The following KLHL8 variants were observed in gnomAD, a reference collection of about 807,000 sequenced individuals.
KLHL8 encodes the protein kelch like family member 8, also known as kelch-like protein 8.
KLHL8 carries 38 observed loss-of-function variants against 63.5 expected under a neutral mutation model. The observed-to-expected ratio is 0.60, with a 90% CI of 0.46 to 0.78. The LOEUF is 0.78. KLHL8 is among the 30% of genes least tolerant of loss of function. The pLI is 0.00. For missense variants in KLHL8, 566 were observed against 752.4 expected, an observed-to-expected ratio of 0.75 and a Z score of 2.90; for synonymous variants, 224 against 254.3, an observed-to-expected ratio of 0.88 and a Z score of 1.13.
chr4:87,184,664 C>T (rs1044280059), intron 3 of KLHL8, among the ~76,000 whole-genome samples: 6 of 151,232 alleles, frequency 4.0e-5, no homozygotes, highest in African/African-American at 1.5e-4. Context: ...GAGAGGAAGA[C>T]GACAAAAGAA....
rs1264215559 is a variant in KLHL8, at chr4:87,162,701, G to A, written c.*818C>T. 3.3e-5 allele frequency: 5 copies of A among 152,180 alleles called. No individual in the cohort carries two copies. The highest frequency in any genetic ancestry group is 3.3e-4 in the Admixed American group (5 of 15,286). 9.4% of individuals were successfully genotyped at this position (152,180 alleles called of 1,614,324 possible). On this transcript the variant is annotated 3_prime_UTR_variant, in exon 10 of 10. Coordinates refer to ENST00000273963, the MANE Select transcript of KLHL8 (RefSeq NM_020803.5). ...TGCCCACATTAGAGTCATGTAATCTGCATCATTCTTTCTCAAGGTCTCTCA... is the reference window on the plus strand; with the variant it reads ...TGCCCACATTAGAGTCATGTAATCTACATCATTCTTTCTCAAGGTCTCTCA...
chr4:87,210,923 T>C (rs1302988115), intron 1 of KLHL8, among the ~76,000 whole-genome samples: 1 of 152,218 alleles, frequency 6.6e-6, no homozygotes, highest in Non-Finnish European at 1.5e-5. Context: ...TGATATTTTT[T>C]TCATTATACT....
chr4:87,223,634 G>A (rs774687212), upstream of KLHL8, among the ~76,000 whole-genome samples: 2 of 152,032 alleles, frequency 1.3e-5, no homozygotes, highest in East Asian at 1.9e-4. Context: ...CTAATCTAGA[G>A]CCTTTTATTG....
intron 1 of KLHL8, among the ~76,000 whole-genome samples, chr4:87,225,974 G>C (rs576665861): frequency 6.6e-6 from 1 of 152,196 alleles, no homozygotes; most frequent in Admixed American, 6.5e-5. Context: ...TGAATATGTG[G>C]GGGAACTGTG....
intron 1 of KLHL8, among the ~76,000 whole-genome samples, chr4:87,209,703 G>A (rs184773345): frequency 1.3e-5 from 2 of 152,154 alleles, no homozygotes; most frequent in African/African-American, 2.4e-5. Context: ...ATACCATTAC[G>A]CTGAATACTG....
At position 87,186,976 on chromosome 4, in the gene KLHL8, TA is replaced by T. The variant is rs144905015; in HGVS notation, c.217-1178del. Among the ~76,000 whole-genome samples, 19 of 148,336 alleles carry T rather than the reference TA, an allele frequency of 1.3e-4. 1 individual carries two copies. The highest frequency in any genetic ancestry group is 6.0e-4 in the Admixed American group (9 of 14,886). ...AATGATATAGCTCACATAAAAGCAGTAAAAAAAAAACACTGCAATCTCATCA... is the reference window on the plus strand; with the variant it reads ...AATGATATAGCTCACATAAAAGCAGTAAAAAAAAACACTGCAATCTCATCA... On this transcript the variant is annotated intron_variant, in intron 2 of 9. Transcript: ENST00000273963.
chr4:87,224,854 C>A (rs1260740942), upstream of KLHL8, among the ~76,000 whole-genome samples: 1 of 152,100 alleles, frequency 6.6e-6, no homozygotes, highest in Non-Finnish European at 1.5e-5. Flanking sequence ...TATCTCTAAA[C>A]CTTTGCTGAC....
intron 2 of KLHL8, among the ~76,000 whole-genome samples, chr4:87,192,894 C>A: frequency 6.6e-6 from 1 of 151,964 alleles, no homozygotes; most frequent in Non-Finnish European, 1.5e-5. Flanking sequence ...AGTAAAAATA[C>A]AGTATAAGGT....
intron 2 of KLHL8, among the ~76,000 whole-genome samples, chr4:87,187,573 T>C (rs1198767499): frequency 6.6e-6 from 1 of 152,048 alleles, no homozygotes; most frequent in Non-Finnish European, 1.5e-5. Context: ...TTTATTCTCT[T>C]ATATAAAAAC....
chr4:87,168,170 G>GT (rs1730478496), intron 8 of KLHL8, among the ~76,000 whole-genome samples: 1 of 152,302 alleles, frequency 6.6e-6, no homozygotes, highest in Middle Eastern at 3.4e-3. Context: ...TTTAGGGGGT[G>GT]TTTTTGTGTA....
At chr4:87,181,931 A>C (rs563207764) in intron 4 of KLHL8, among the ~76,000 whole-genome samples, 1 of 152,274 alleles carries the variant, frequency 6.6e-6, no homozygotes, top group Non-Finnish European at 1.5e-5. Flanking sequence ...ATACAACTAA[A>C]AAAAATCAAT....
At chr4:87,239,944 T>C (rs2110076058) in intron 1 of KLHL8, among the ~76,000 whole-genome samples, 1 of 152,228 alleles carries the variant, frequency 6.6e-6, no homozygotes, top group South Asian at 2.1e-4. Context: ...AACCTTTGAG[T>C]TTCTATGATC....
chr4:87,174,354 C>G (rs1730739801), intron 6 of KLHL8, among the ~76,000 whole-genome samples: 1 of 151,886 alleles, frequency 6.6e-6, no homozygotes, highest in Non-Finnish European at 1.5e-5. Flanking sequence ...TCTCGGCTCA[C>G]TGCAACCTCC....
chr4:87,193,960 C>T (rs1220044407), intron 2 of KLHL8, among the ~76,000 whole-genome samples: 1 of 152,220 alleles, frequency 6.6e-6, no homozygotes, highest in East Asian at 1.9e-4. Flanking sequence ...CTTCCTTAAA[C>T]ACAGAATCTT....
chr4:87,217,665 T>G (rs1220238719), intron 1 of KLHL8, among the ~76,000 whole-genome samples: 7 of 150,338 alleles, frequency 4.7e-5, no homozygotes, highest in Non-Finnish European at 4.4e-5. Flanking sequence ...TTTTTTTTTT[T>G]GGAATATAGA....
rs1374619001 is a variant in KLHL8, at chr4:87,185,699, G to A, written c.317C>T (p.Thr106Met). Residue 106 changes from threonine to methionine, a missense_variant, in exon 3 of 10, where the codon ACG (threonine) becomes ATG (methionine). Thr to Met is a moderately conservative substitution (Grantham distance 81). Transcript: ENST00000273963. ...FLSEMAEAKQ[T>M]LIEIRDFDGD... is the part of the protein sequence containing the mutation. Reference sequence around the variant, plus strand: ...ATCAAAATCTCTAATCTCAATCAGCGTTTGCTTGGCTTCAGCCATTTCAGA... The same window carrying A: ...ATCAAAATCTCTAATCTCAATCAGCATTTGCTTGGCTTCAGCCATTTCAGA... 28 of 1,613,936 alleles carry A rather than the reference G, an allele frequency of 1.7e-5. 2 individuals carry two copies. In the Middle Eastern group the frequency reaches 8.2e-4, roughly 47 times the overall value.
At chr4:87,208,792 C>G (rs1345282218) in intron 1 of KLHL8, among the ~76,000 whole-genome samples, 5 of 152,218 alleles carry the variant, frequency 3.3e-5, no homozygotes, top group African/African-American at 1.2e-4. Context: ...TCAAACTACT[C>G]TAGCTCTATC....
At chr4:87,180,354 C>T (rs930778530) in intron 4 of KLHL8, among the ~76,000 whole-genome samples, 78 of 152,316 alleles carry the variant, frequency 5.1e-4, no homozygotes, top group African/African-American at 1.8e-3. Flanking sequence ...GAACTGAACA[C>T]CCTTACCCTA....
chr4:87,176,505 T>TA (rs1206114931), intron 6 of KLHL8, among the ~76,000 whole-genome samples: 2 of 152,128 alleles, frequency 1.3e-5, no homozygotes, highest in East Asian at 1.9e-4. Flanking sequence ...ATAAAATGTT[T>TA]AAAAAAATCA....
Sources: gnomAD v4.1 joint callset for allele counts (sites outside exome capture counted in the v4.1 genomes callset) on GRCh38, gnomAD v4.1.1 for gene constraint, MANE v1.5 for transcripts, NCBI Gene and HGNC (gene_info 2026-07-23, HGNC 2026-07-21) for gene names.